TWIST2: variants seen among roughly 807,000 people sequenced by gnomAD.
TWIST2 encodes twist-related protein 2.
TWIST2 carries 1 observed loss-of-function variant against 11.6 expected under a neutral mutation model. That is an observed-to-expected ratio of 0.09 (90% confidence interval 0.03 to 0.41). TWIST2 has a LOEUF of 0.41. Among genes scored for constraint, TWIST2 ranks in the 10% least tolerant of loss-of-function variants. TWIST2 has a pLI of 0.98. For synonymous variants in TWIST2, 87 were observed against 96.6 expected, an observed-to-expected ratio of 0.90 and a Z score of 0.58; for missense variants, 168 against 226.4, an observed-to-expected ratio of 0.74 and a Z score of 1.66.
chr2:238,902,408 G>A (rs1693278053), intron 1 of TWIST2, among the ~76,000 whole-genome samples: 1 of 151,198 alleles, frequency 6.6e-6, no homozygotes. Context: ...GTGTTAATCA[G>A]GGTGTGTGTG....
Position 238,866,104 on chromosome 2 carries a change from C to T in TWIST2, c.*35+17371C>T, listed in dbSNP as rs1692527461. The stretch of plus-strand genomic sequence containing the variant: ...ACACTGCATCTGGTGTTACTGGGAC[C>T]CACTGAATGTAGGTTCCTTTACCCC... On this transcript the variant is annotated intron_variant, in intron 1 of 1. Transcript: ENST00000612363. This position sits in a 1 kb window ranked among gnomAD's most constrained non-coding sequence, Gnocchi z 4.9. Among the ~76,000 whole-genome samples, 1 of 152,180 alleles carries T rather than the reference C, an allele frequency of 6.6e-6. No individual in the cohort carries two copies. Among genetic ancestry groups the T allele is most frequent in the African/African-American group, 2.4e-5 (1 of 41,454 alleles).
intron 1 of TWIST2, among the ~76,000 whole-genome samples, chr2:238,899,534 G>A (rs1323592553): frequency 3.9e-5 from 6 of 152,208 alleles, no homozygotes; most frequent in African/African-American, 7.2e-5. Context: ...GAGAGGCAGC[G>A]GGGCTTCAGC....
chr2:238,898,859 T>C (rs973068084), intron 1 of TWIST2, among the ~76,000 whole-genome samples: 3,049 of 152,356 alleles, frequency 0.02, 91 homozygotes, highest in African/African-American at 0.07. Context: ...TGCCCAGGTT[T>C]GCTCAGGCAC....
chr2:238,886,546 A>G (rs1168354480), intron 1 of TWIST2, among the ~76,000 whole-genome samples: 1 of 151,128 alleles, frequency 6.6e-6, no homozygotes, highest in East Asian at 2.0e-4. Context: ...CCTCACCCCA[A>G]ATCTAAGGAA....
chr2:238,905,938 T>C (rs1339299341), intron 1 of TWIST2, among the ~76,000 whole-genome samples: 63,181 of 141,908 alleles, frequency 0.45, 13,287 homozygotes, highest in Middle Eastern at 0.6. Context: ...TGTGCGCGTG[T>C]GTGTGCGCGC....
At chr2:238,895,929 A>C (rs1693201623) in intron 1 of TWIST2, among the ~76,000 whole-genome samples, 2 of 152,182 alleles carry the variant, frequency 1.3e-5, no homozygotes, top group Admixed American at 6.5e-5. Flanking sequence ...TTCCAAGCAC[A>C]GTCAGCCTGG....
At chr2:238,862,291 CAAA>C (rs1166001666) in intron 1 of TWIST2, among the ~76,000 whole-genome samples, 2 of 152,036 alleles carry the variant, frequency 1.3e-5, no homozygotes, top group African/African-American at 2.4e-5. Context: ...CTATGACAAT[CAAA>C]AATTTTAGAA....
chr2:238,852,428 G>C, intron 1 of TWIST2, among the ~76,000 whole-genome samples: 1 of 152,258 alleles, frequency 6.6e-6, no homozygotes. Flanking sequence ...AGAACTCTCC[G>C]CTAGCAGAGA....
chr2:238,895,632 C>T (rs1693197466), intron 1 of TWIST2, among the ~76,000 whole-genome samples: 1 of 152,198 alleles, frequency 6.6e-6, no homozygotes, highest in Non-Finnish European at 1.5e-5. Flanking sequence ...GGTCCCTTTG[C>T]AGTGCTCCCA....
chr2:238,883,833 A>T (rs1047585145), intron 1 of TWIST2, among the ~76,000 whole-genome samples: 1 of 152,130 alleles, frequency 6.6e-6, no homozygotes, highest in Non-Finnish European at 1.5e-5. Flanking sequence ...TCCCAGCTGT[A>T]AGATGCACAT....
At chr2:238,877,709 A>G (rs1009721655) in intron 1 of TWIST2, among the ~76,000 whole-genome samples, 5 of 152,220 alleles carry the variant, frequency 3.3e-5, no homozygotes, top group African/African-American at 1.2e-4. Flanking sequence ...TCTATTTATT[A>G]GGACTCTGTT....
chr2:238,863,825 C>T lies in TWIST2; in HGVS notation c.*35+15092C>T, dbSNP rs147129733. 4.9e-3 allele frequency among the ~76,000 whole-genome samples: 745 copies of T among 152,306 alleles called. 10 individuals carry two copies. Among genetic ancestry groups the T allele is most frequent in the African/African-American group, 0.017 (713 of 41,554 alleles). The stretch of plus-strand genomic sequence containing the variant: ...TTACCAGGATCAAAAATGAAAACCA[C>T]GTGTCCCCCTGGCCTTGTATGATGA... On this transcript the variant is annotated intron_variant, in intron 1 of 1. Coordinates refer to ENST00000612363, the MANE Select transcript of TWIST2 (RefSeq NM_001271893.4). This position sits in a 1 kb window ranked among gnomAD's most constrained non-coding sequence, Gnocchi z 4.7.
intron 1 of TWIST2, among the ~76,000 whole-genome samples, chr2:238,905,332 C>T (rs1382672004): frequency 2.6e-5 from 4 of 152,290 alleles, no homozygotes; most frequent in East Asian, 1.9e-4. Flanking sequence ...GGTAACTGCA[C>T]GCAGCACGCA....
intron 1 of TWIST2, among the ~76,000 whole-genome samples, chr2:238,889,370 T>C (rs561948568): frequency 1.3e-5 from 2 of 152,288 alleles, no homozygotes; most frequent in Admixed American, 6.5e-5. Flanking sequence ...TATTTATATA[T>C]ACACACATAT....
chr2:238,898,173 A>G (rs1453693488), intron 1 of TWIST2, among the ~76,000 whole-genome samples: 1 of 152,204 alleles, frequency 6.6e-6, no homozygotes, highest in Non-Finnish European at 1.5e-5. Flanking sequence ...AGCAGGGAGC[A>G]TCTTGCCTGT....
At chr2:238,906,810 C>A (rs1488855792) in intron 1 of TWIST2, among the ~76,000 whole-genome samples, 1 of 152,204 alleles carries the variant, frequency 6.6e-6, no homozygotes, top group Non-Finnish European at 1.5e-5. Context: ...GGAGCCCATG[C>A]CTGCCTCTGG....
At chr2:238,896,151 A>G (rs1331464697) in intron 1 of TWIST2, among the ~76,000 whole-genome samples, 1 of 150,142 alleles carries the variant, frequency 6.7e-6, no homozygotes, top group Non-Finnish European at 1.5e-5. Flanking sequence ...CGGAGGGGGG[A>G]GAGAGGGGCG....
intron 1 of TWIST2, among the ~76,000 whole-genome samples, chr2:238,902,583 G>A (rs1693282818): frequency 6.7e-6 from 1 of 149,826 alleles, no homozygotes; most frequent in Non-Finnish European, 1.5e-5. Flanking sequence ...TGTGAGTTGT[G>A]TGTGTTGTAG....
At chr2:238,857,034 G>A (rs1692344508) in intron 1 of TWIST2, among the ~76,000 whole-genome samples, 3 of 152,152 alleles carry the variant, frequency 2.0e-5, no homozygotes, top group Non-Finnish European at 4.4e-5. Flanking sequence ...GCCAGAGAAA[G>A]CAGAGGCCCC....
Sources: gnomAD v4.1 joint callset for allele counts (sites outside exome capture counted in the v4.1 genomes callset) on GRCh38, gnomAD v4.1.1 for gene constraint, Gnocchi (gnomAD v3.1) non-coding constraint, MANE v1.5 for transcripts, NCBI Gene and HGNC (gene_info 2026-07-23, HGNC 2026-07-21) for gene names.